TMEM132D: variants seen among roughly 807,000 people sequenced by gnomAD.
TMEM132D encodes transmembrane protein 132D.
A neutral mutation model predicts 62.3 loss-of-function variants in TMEM132D; 21 were observed. The ratio of observed to expected loss-of-function variants is 0.34; its 90% CI spans 0.24 to 0.49. The LOEUF (loss-of-function observed/expected upper bound fraction) is 0.49, where lower values mean the gene tolerates loss of function less well. TMEM132D is among the 20% of genes least tolerant of loss of function. The pLI, the probability that TMEM132D is intolerant of heterozygous loss-of-function variation, is 0.99. For missense variants in TMEM132D, 1,346 were observed against 1,402.8 expected (o/e 0.96, Z 0.65); for synonymous variants, 621 against 575.6 (o/e 1.08, Z -1.13).
chr12:129,644,849 C>T (rs892920751), intron 2 of TMEM132D, among the ~76,000 whole-genome samples: 28 of 150,010 alleles, frequency 1.9e-4, no homozygotes, highest in African/African-American at 6.3e-4. Flanking sequence ...AGCCCAGCGT[C>T]GTGGCGGGTG....
chr12:129,471,583 G>A (rs193074106), intron 3 of TMEM132D, among the ~76,000 whole-genome samples: 120 of 152,278 alleles, frequency 7.9e-4, no homozygotes, highest in African/African-American at 2.8e-3. Context: ...TGGCCTCTAA[G>A]TGTTCCAGGG....
At chr12:129,511,172 C>A (rs541376340) in intron 3 of TMEM132D, among the ~76,000 whole-genome samples, 1 of 152,158 alleles carries the variant, frequency 6.6e-6, no homozygotes, top group Non-Finnish European at 1.5e-5. Flanking sequence ...CTTTTGTGCA[C>A]CTGTGAATTC....
chr12:129,256,616 T>C (rs1032525140), intron 4 of TMEM132D, among the ~76,000 whole-genome samples: 4 of 152,172 alleles, frequency 2.6e-5, no homozygotes, highest in Non-Finnish European at 2.9e-5. Context: ...GAGATGGAGT[T>C]TCGCGATGTT....
At chr12:129,410,675 C>A (rs765983285) in intron 3 of TMEM132D, among the ~76,000 whole-genome samples, 8 of 152,112 alleles carry the variant, frequency 5.3e-5, no homozygotes, top group Non-Finnish European at 1.2e-4. Context: ...CAATGAACTT[C>A]TAATGTACTT....
rs762639339 is a variant in TMEM132D, at chr12:129,209,514, A to C, written c.1443+6T>G. ...TTTCTGCAGGGGCGGGGAGGTGTCA[A>C]CTTGCCTTAATCACGTCTTCATCAG... On this transcript the variant is annotated splice_donor_region_variant and intron_variant, in intron 5 of 8. Transcript: ENST00000422113. 2.5e-6 allele frequency: 4 copies of C among 1,613,512 alleles called. No homozygotes were observed. The Admixed American group carries it at 5.0e-5, about 20-fold the overall frequency.
intron 2 of TMEM132D, among the ~76,000 whole-genome samples, chr12:129,623,331 A>T (rs572520219): frequency 5.5e-4 from 84 of 152,186 alleles, no homozygotes; most frequent in African/African-American, 1.9e-3. Flanking sequence ...TTTTGGTGAC[A>T]TAGATGAATT....
At chr12:129,501,315 T>G (rs1386236797) in intron 3 of TMEM132D, among the ~76,000 whole-genome samples, 1 of 152,068 alleles carries the variant, frequency 6.6e-6, no homozygotes, top group African/African-American at 2.4e-5. Flanking sequence ...TGTCTCATGA[T>G]TTCTGAGGCT....
chr12:129,536,983 C>CCT (rs1436378135), intron 2 of TMEM132D, among the ~76,000 whole-genome samples: 1 of 151,750 alleles, frequency 6.6e-6, no homozygotes, highest in Non-Finnish European at 1.5e-5. Context: ...ATGGAGAAAC[C>CCT]CTGTCTCTAC....
chr12:129,336,534 CG>C (rs897997905), intron 4 of TMEM132D, among the ~76,000 whole-genome samples: 1 of 151,582 alleles, frequency 6.6e-6, no homozygotes, highest in African/African-American at 2.4e-5. Context: ...ATCGCACCAC[CG>C]CACTCCAGCC....
At chr12:129,479,799 T>C (rs2137052567) in intron 3 of TMEM132D, among the ~76,000 whole-genome samples, 2 of 127,504 alleles carry the variant, frequency 1.6e-5, no homozygotes, top group Middle Eastern at 8.0e-3. Flanking sequence ...GTTCTCACTG[T>C]GTCCTAGAGA....
intron 5 of TMEM132D, among the ~76,000 whole-genome samples, chr12:129,149,011 C>T (rs1011560218): frequency 5.9e-5 from 9 of 152,252 alleles, no homozygotes; most frequent in African/African-American, 1.2e-4. Context: ...ATGAAAAATG[C>T]TGCCCCTCAT....
intron 4 of TMEM132D, among the ~76,000 whole-genome samples, chr12:129,324,662 C>G (rs1394397748): frequency 6.6e-6 from 1 of 151,970 alleles, no homozygotes; most frequent in East Asian, 1.9e-4. Context: ...AACCCCATCC[C>G]TACTAGAAAT....
chr12:129,328,121 A>G (rs904837253), intron 4 of TMEM132D, among the ~76,000 whole-genome samples: 1 of 152,090 alleles, frequency 6.6e-6, no homozygotes, highest in Non-Finnish European at 1.5e-5. Context: ...CTCAAATGTC[A>G]TCTCTGCAGG....
At chr12:129,630,401 A>T (rs1254439750) in intron 2 of TMEM132D, among the ~76,000 whole-genome samples, 1 of 151,770 alleles carries the variant, frequency 6.6e-6, no homozygotes, top group African/African-American at 2.4e-5. Flanking sequence ...ATTAAGGCTG[A>T]AAATGGCTCA....
At chr12:129,588,701 A>G (rs2137132744) in intron 2 of TMEM132D, among the ~76,000 whole-genome samples, 1 of 147,658 alleles carries the variant, frequency 6.8e-6, no homozygotes, top group East Asian at 2.0e-4. Flanking sequence ...CAGCTTCCCA[A>G]GTAGCTGGGA....
chr12:129,516,981 C>T (rs1286550218), intron 3 of TMEM132D, among the ~76,000 whole-genome samples: 2 of 152,174 alleles, frequency 1.3e-5, no homozygotes, highest in Admixed American at 6.5e-5. Flanking sequence ...CTACTTCTGA[C>T]ACCAAATCTC....
chr12:129,633,500 T>G (rs1013782278), intron 2 of TMEM132D, among the ~76,000 whole-genome samples: 2 of 152,150 alleles, frequency 1.3e-5, no homozygotes, highest in Non-Finnish European at 2.9e-5. Flanking sequence ...GTTTAGCAAA[T>G]ATTGAGTCTG....
chr12:129,550,937 G>A (rs922660392), intron 2 of TMEM132D, among the ~76,000 whole-genome samples: 6 of 152,200 alleles, frequency 3.9e-5, no homozygotes, highest in African/African-American at 1.4e-4. Flanking sequence ...ATGAGAGGAA[G>A]ATCAGCCTCC....
intron 3 of TMEM132D, among the ~76,000 whole-genome samples, chr12:129,426,223 G>A (rs1453985275): frequency 6.6e-6 from 1 of 152,102 alleles, no homozygotes; most frequent in Non-Finnish European, 1.5e-5. Context: ...TCATGGTTAT[G>A]AGATGGCTAC....
Sources: allele counts gnomAD v4.1 joint callset (sites outside exome capture counted in the v4.1 genomes callset), GRCh38; gene constraint gnomAD v4.1.1; transcripts MANE v1.5; gene names NCBI Gene and HGNC (gene_info 2026-07-23, HGNC 2026-07-21).